The following DAB1 variants were observed in gnomAD, a reference collection of about 807,000 sequenced individuals.
The protein encoded by DAB1 is DAB adaptor protein 1.
A neutral mutation model predicts 64.6 loss-of-function variants in DAB1; 15 were observed. The ratio of observed to expected loss-of-function variants is 0.23; its 90% confidence interval spans 0.16 to 0.36. The LOEUF (loss-of-function observed/expected upper bound fraction) is 0.36. DAB1 is among the 10% of genes least tolerant of loss of function. The pLI is 1.00. For missense variants in DAB1, 596 were observed against 706.7 expected, an observed-to-expected ratio of 0.84 and a Z score of 1.78; for synonymous variants, 235 against 251.9, an observed-to-expected ratio of 0.93 and a Z score of 0.64.
intron 7 of DAB1, among the ~76,000 whole-genome samples, chr1:57,615,977 C>T (rs1181629601): frequency 1.3e-5 from 2 of 152,130 alleles, no homozygotes; most frequent in African/African-American, 4.8e-5. Context: ...GATGGTCTTA[C>T]TAGAATAGTA....
At chr1:57,783,152 C>G (rs1413110494) in intron 6 of DAB1, among the ~76,000 whole-genome samples, 1 of 143,232 alleles carries the variant, frequency 7.0e-6, no homozygotes, top group East Asian at 2.1e-4. Flanking sequence ...TGCCTAGGCC[C>G]AGGCTGGAGT....
intron 7 of DAB1, among the ~76,000 whole-genome samples, chr1:57,581,477 T>G (rs1645311161): frequency 6.6e-6 from 1 of 152,098 alleles, no homozygotes; most frequent in Non-Finnish European, 1.5e-5. Flanking sequence ...GTGCCACCCC[T>G]AATGTTGGGT....
chr1:58,446,262 C>T (rs1479754784), intron 3 of DAB1, among the ~76,000 whole-genome samples: 1 of 152,202 alleles, frequency 6.6e-6, no homozygotes, highest in African/African-American at 2.4e-5. Context: ...CATTACGTTA[C>T]ACAAAGGAGT....
At chr1:58,504,038 G>A (rs1056712924) in intron 3 of DAB1, among the ~76,000 whole-genome samples, 5 of 152,260 alleles carry the variant, frequency 3.3e-5, no homozygotes, top group African/African-American at 9.6e-5. Context: ...CCAGGATTAT[G>A]AGAGTCTCCT....
chr1:57,671,481 A>G (rs922452551), intron 6 of DAB1, among the ~76,000 whole-genome samples: 2 of 152,114 alleles, frequency 1.3e-5, no homozygotes, highest in South Asian at 2.1e-4. Flanking sequence ...CTAAGATTTT[A>G]AAAATGGATA....
At chr1:57,616,318 G>A (rs1645789544) in intron 7 of DAB1, among the ~76,000 whole-genome samples, 1 of 152,142 alleles carries the variant, frequency 6.6e-6, no homozygotes, top group Non-Finnish European at 1.5e-5. Context: ...CTTGACGTAT[G>A]AAATTTGAAT....
At chr1:58,328,087 C>T (rs937315721) in intron 4 of DAB1, among the ~76,000 whole-genome samples, 2 of 152,194 alleles carry the variant, frequency 1.3e-5, no homozygotes, top group African/African-American at 4.8e-5. Context: ...TCCCGAGCAC[C>T]CGCTATTTTG....
intron 7 of DAB1, among the ~76,000 whole-genome samples, chr1:57,484,384 TGTG>T (rs1644063716): frequency 1.3e-5 from 2 of 152,142 alleles, no homozygotes; most frequent in African/African-American, 4.8e-5. Context: ...GAAAACAGCT[TGTG>T]GGGAGTGGGA....
intron 4 of DAB1, among the ~76,000 whole-genome samples, chr1:58,249,074 G>A (rs1660681667): frequency 2.0e-5 from 3 of 152,190 alleles, no homozygotes; most frequent in Admixed American, 2.0e-4. Context: ...GAGGGGGCTT[G>A]GAAAGCAAGG....
At chr1:57,119,031 T>C (rs1451351465) in intron 4 of DAB1, among the ~76,000 whole-genome samples, 2 of 152,212 alleles carry the variant, frequency 1.3e-5, no homozygotes, top group Non-Finnish European at 2.9e-5. Flanking sequence ...CCTACAAAGA[T>C]AAGTGCTAAG....
At chr1:57,270,608 T>C (rs989125392) in intron 2 of DAB1, among the ~76,000 whole-genome samples, 38 of 152,230 alleles carry the variant, frequency 2.5e-4, no homozygotes, top group African/African-American at 8.9e-4. Context: ...GCTAAAGCTC[T>C]TAAATACTCT....
chr1:57,520,850 G>A (rs1192634369), intron 7 of DAB1, among the ~76,000 whole-genome samples: 3 of 151,940 alleles, frequency 2.0e-5, no homozygotes, highest in Non-Finnish European at 4.4e-5. Context: ...CCTAGAGCAG[G>A]TCCTTGAGCT....
intron 2 of DAB1, among the ~76,000 whole-genome samples, chr1:58,511,750 G>T (rs374081561): frequency 1.6e-4 from 25 of 152,092 alleles, no homozygotes; most frequent in South Asian, 4.1e-4. Context: ...CTTATCTTAC[G>T]CTACACACAA....
intron 2 of DAB1, among the ~76,000 whole-genome samples, chr1:57,263,406 C>T (rs1670349265): frequency 6.6e-6 from 1 of 152,150 alleles, no homozygotes; most frequent in Non-Finnish European, 1.5e-5. Context: ...AGGCATGAGC[C>T]ACTGCGCCTG....
chr1:57,493,762 G>GCACACACACACACA (rs1414667024), intron 7 of DAB1, among the ~76,000 whole-genome samples: 7,234 of 150,098 alleles, frequency 0.048, 607 homozygotes, highest in African/African-American at 0.17. Context: ...CGTATTCACA[G>GCACACACACACACA]CTCACACACA....
intron 3 of DAB1, among the ~76,000 whole-genome samples, chr1:58,345,226 G>A (rs552524678): frequency 6.6e-5 from 10 of 152,106 alleles, no homozygotes; most frequent in Admixed American, 2.6e-4. Flanking sequence ...GTCTCATTTC[G>A]CCACTTCTTG....
intron 7 of DAB1, among the ~76,000 whole-genome samples, chr1:57,534,817 G>A (rs1335689727): frequency 6.6e-6 from 1 of 152,154 alleles, no homozygotes; most frequent in Non-Finnish European, 1.5e-5. Context: ...ACTTCGCAAA[G>A]GCCTCTCATT....
chr1:58,005,314 G>A (rs1399042122), intron 5 of DAB1, among the ~76,000 whole-genome samples: 1 of 152,112 alleles, frequency 6.6e-6, no homozygotes, highest in African/African-American at 2.4e-5. Context: ...GGACAGAAAT[G>A]CATGAGTCTG....
chr1:57,614,783 T>C (rs1382855212), intron 7 of DAB1, among the ~76,000 whole-genome samples: 1 of 152,042 alleles, frequency 6.6e-6, no homozygotes, highest in Non-Finnish European at 1.5e-5. Context: ...TTTTTACTAA[T>C]GTGAATTTTG....
Sources: gnomAD v4.1 joint callset for allele counts (sites outside exome capture counted in the v4.1 genomes callset) on GRCh38, gnomAD v4.1.1 for gene constraint, MANE v1.5 for transcripts, NCBI Gene and HGNC (gene_info 2026-07-23, HGNC 2026-07-21) for gene names.